ADAMTS12: variants seen among roughly 807,000 people sequenced by gnomAD.
ADAMTS12 encodes the protein ADAM metallopeptidase with thrombospondin type 1 motif 12.
A neutral mutation model predicts 167.8 loss-of-function variants in ADAMTS12; 118 were observed. That is an observed-to-expected ratio of 0.70 (90% CI 0.61 to 0.82). The LOEUF (loss-of-function observed/expected upper bound fraction) is 0.82, where lower values mean the gene tolerates loss of function less well. Among genes scored for constraint, ADAMTS12 ranks in the 40% least tolerant of loss-of-function variants. The pLI is 0.00. For missense variants in ADAMTS12, 1,916 were observed against 1,998.8 expected, an observed-to-expected ratio of 0.96 and a Z score of 0.79; for synonymous variants, 704 against 716.9, an observed-to-expected ratio of 0.98 and a Z score of 0.29.
intron 3 of ADAMTS12, among the ~76,000 whole-genome samples, chr5:33,705,735 G>C (rs1487564260): frequency 6.6e-6 from 1 of 152,036 alleles, no homozygotes; most frequent in African/African-American, 2.4e-5. Context: ...CTTGAACCTG[G>C]GAGGCAGAGA....
intron 2 of ADAMTS12, among the ~76,000 whole-genome samples, chr5:33,829,066 C>T (rs767185364): frequency 6.6e-6 from 1 of 152,166 alleles, no homozygotes; most frequent in African/African-American, 2.4e-5. Flanking sequence ...AGATCCACTC[C>T]AGCACATGGC....
At chr5:33,568,011 G>C (rs1746097096) in intron 19 of ADAMTS12, among the ~76,000 whole-genome samples, 1 of 152,070 alleles carries the variant, frequency 6.6e-6, no homozygotes, top group Admixed American at 6.5e-5. Flanking sequence ...CTCTACAATA[G>C]GGAAAATACT....
chr5:33,603,963 T>C (rs1207334404), intron 16 of ADAMTS12, among the ~76,000 whole-genome samples: 2 of 152,224 alleles, frequency 1.3e-5, no homozygotes, highest in East Asian at 3.8e-4. Context: ...GTCAGGCTCC[T>C]GGCCTTGTTA....
chr5:33,661,514 T>C (rs755530633), intron 6 of ADAMTS12, among the ~76,000 whole-genome samples: 23 of 152,328 alleles, frequency 1.5e-4, no homozygotes, highest in Admixed American at 2.6e-4. Context: ...ATTTCATGTT[T>C]CTACATTGGA....
chr5:33,573,914 A>G (rs1746525056), intron 19 of ADAMTS12, among the ~76,000 whole-genome samples: 1 of 152,058 alleles, frequency 6.6e-6, no homozygotes, highest in South Asian at 2.1e-4. Context: ...AAAACAAACA[A>G]CCCCATCGAA....
chr5:33,620,686 T>C (rs1739277538), intron 14 of ADAMTS12, among the ~76,000 whole-genome samples: 1 of 152,224 alleles, frequency 6.6e-6, no homozygotes, highest in South Asian at 2.1e-4. Context: ...TTATAATAGA[T>C]TTGTGTATAT....
chr5:33,584,720 G>A (rs1747247783), intron 18 of ADAMTS12, among the ~76,000 whole-genome samples: 1 of 152,148 alleles, frequency 6.6e-6, no homozygotes, highest in African/African-American at 2.4e-5. Flanking sequence ...GAGAGAATTA[G>A]CACTGGCTCA....
intron 7 of ADAMTS12, among the ~76,000 whole-genome samples, chr5:33,656,571 T>G (rs893490219): frequency 6.6e-6 from 1 of 152,210 alleles, no homozygotes; most frequent in African/African-American, 2.4e-5. Flanking sequence ...AAGTGAGGAT[T>G]CGAAAATGTC....
chr5:33,543,603 A>T (rs1294067041), intron 22 of ADAMTS12, among the ~76,000 whole-genome samples: 3 of 152,224 alleles, frequency 2.0e-5, no homozygotes, highest in Non-Finnish European at 2.9e-5. Context: ...ATCAGTGCAA[A>T]AATCCTCAAT....
In ADAMTS12 at chr5:33,624,270, G is replaced by A. The variant is rs761875732; in HGVS notation, c.2104C>T (p.Gln702Ter). 2 of 1,613,930 alleles carry A rather than the reference G, an allele frequency of 1.2e-6. No individual in the cohort carries two copies. Among genetic ancestry groups the A allele is most frequent in the Non-Finnish European group, 1.7e-6 (2 of 1,179,978 alleles). ...TGCTTAAACATCTTTCTCACAGTCT[G>A]GCAGGAAGAGCCATCTCCCAGGCAC... is the stretch of plus-strand genomic sequence containing the variant. The part of the protein sequence containing the change: ...GVCLGDGSSC[Q>*]TVRKMFKQKE... The change falls in exon 14 of 24, where the codon CAG becomes TAG. Residue 702 changes from glutamine (Q) to a stop codon, truncating the protein, a stop_gained. Transcript: ENST00000504830. LOFTEE classifies it high-confidence loss of function.
chr5:33,673,597 T>C (rs1306746495), intron 5 of ADAMTS12, among the ~76,000 whole-genome samples: 1 of 152,210 alleles, frequency 6.6e-6, no homozygotes, highest in Non-Finnish European at 1.5e-5. Context: ...ATTTTATGCT[T>C]GGTTTACAAT....
intron 2 of ADAMTS12, among the ~76,000 whole-genome samples, chr5:33,780,825 G>A (rs533221549): frequency 6.6e-6 from 1 of 152,260 alleles, no homozygotes; most frequent in South Asian, 2.1e-4. Context: ...TCTAATAAAT[G>A]TGAGATTGGT....
intron 2 of ADAMTS12, among the ~76,000 whole-genome samples, chr5:33,783,045 G>C (rs965378527): frequency 4.3e-4 from 65 of 152,026 alleles, no homozygotes; most frequent in African/African-American, 1.4e-3. Flanking sequence ...ATCAAGAAAT[G>C]TAAAAGAGTT....
At chr5:33,891,014 T>G (rs755959653) in intron 1 of ADAMTS12, among the ~76,000 whole-genome samples, 6 of 152,254 alleles carry the variant, frequency 3.9e-5, no homozygotes, top group Admixed American at 2.0e-4. Context: ...CCTCTGACCC[T>G]TCCAAGTCCA....
At chr5:33,643,862 T>C (rs1024138542) in intron 9 of ADAMTS12, among the ~76,000 whole-genome samples, 4 of 152,192 alleles carry the variant, frequency 2.6e-5, no homozygotes, top group African/African-American at 9.6e-5. Flanking sequence ...TTGGGGGTGG[T>C]TATAACTTGA....
intron 13 of ADAMTS12, among the ~76,000 whole-genome samples, chr5:33,629,139 G>C (rs1051125300): frequency 1.3e-5 from 2 of 152,188 alleles, no homozygotes; most frequent in African/African-American, 4.8e-5. Flanking sequence ...TAGGGCTGAG[G>C]ACTTTAGTCA....
chr5:33,784,017 G>C (rs1746241948), intron 2 of ADAMTS12, among the ~76,000 whole-genome samples: 1 of 151,832 alleles, frequency 6.6e-6, no homozygotes, highest in Non-Finnish European at 1.5e-5. Context: ...TGATGGCCAA[G>C]TGAGATTTAC....
rs1340278178 is a variant in ADAMTS12, at chr5:33,549,284, C to A, written c.4225G>T (p.Ala1409Ser). Residue 1409 changes from alanine (A) to serine (S), a missense_variant, in exon 21 of 24, where the codon GCC (alanine) becomes TCC (serine). Transcript: ENST00000504830. ...ATGCTCAATGGGGGAGGAATGCCGG[C>A]CAGGAACTGGCAGTGAAATGGCCTC... ...NLRPFHCQFL[A>S]GIPPPLSMSC... The A allele has an allele frequency of 1.2e-6, 2 of 1,614,086 alleles. No individual in the cohort carries two copies. The highest frequency in any genetic ancestry group is 1.3e-5 in the African/African-American group (1 of 74,932).
chr5:33,594,170 CT>C (rs1579719604), intron 17 of ADAMTS12, among the ~76,000 whole-genome samples: 1 of 152,160 alleles, frequency 6.6e-6, no homozygotes, highest in East Asian at 1.9e-4. Flanking sequence ...TGTTCTCATG[CT>C]AGTGAATAAG....
Sources: gnomAD v4.1 joint callset for allele counts (sites outside exome capture counted in the v4.1 genomes callset) on GRCh38, gnomAD v4.1.1 for gene constraint, MANE v1.5 for transcripts, NCBI Gene and HGNC (gene_info 2026-07-23, HGNC 2026-07-21) for gene names.